Variants in CALN1 observed in about 807,000 individuals in gnomAD.
CALN1 encodes calcium-binding protein 8.
A neutral mutation model predicts 30.6 loss-of-function variants in CALN1; 17 were observed. That is an observed-to-expected ratio of 0.56 (90% CI 0.38 to 0.83). The LOEUF (loss-of-function observed/expected upper bound fraction) is 0.83, where lower values mean the gene tolerates loss of function less well. Among genes scored for constraint, CALN1 ranks in the 40% least tolerant of loss-of-function variants. The pLI is 0.00. For synonymous variants in CALN1, 156 were observed against 131.4 expected, an observed-to-expected ratio of 1.19 and a Z score of -1.28; for missense variants, 291 against 354.9, an observed-to-expected ratio of 0.82 and a Z score of 1.45.
chr7:72,286,042 G>A (rs1000342644), intron 2 of CALN1, among the ~76,000 whole-genome samples: 1 of 152,216 alleles, frequency 6.6e-6, no homozygotes, highest in Non-Finnish European at 1.5e-5. Flanking sequence ...GAGTATGGAA[G>A]AAGCTTTCAT....
At chr7:72,178,472 C>A (rs2129545891) in intron 3 of CALN1, among the ~76,000 whole-genome samples, 1 of 152,214 alleles carries the variant, frequency 6.6e-6, no homozygotes, top group East Asian at 1.9e-4. Flanking sequence ...GTAGGTGAAT[C>A]ACGAGGTCAG....
At chr7:72,421,573 CTTTTTTTTTTTTTT>C (rs772198450) in intron 1 of CALN1, among the ~76,000 whole-genome samples, 1 of 58,624 alleles carries the variant, frequency 1.7e-5, no homozygotes, top group Non-Finnish European at 3.1e-5. Flanking sequence ...TTTTATCCTA[CTTTTTTTTTTTTTT>C]TTTTTTTTTT....
intron 5 of CALN1, among the ~76,000 whole-genome samples, chr7:72,013,959 T>C (rs950866077): frequency 1.3e-5 from 2 of 152,138 alleles, no homozygotes; most frequent in Non-Finnish European, 2.9e-5. Flanking sequence ...GCTTTAAAAA[T>C]TATGGCCAAG....
chr7:72,019,686 C>A (rs1417150524), intron 5 of CALN1, among the ~76,000 whole-genome samples: 3 of 152,180 alleles, frequency 2.0e-5, no homozygotes, highest in Non-Finnish European at 4.4e-5. Context: ...CCAGTCCAGT[C>A]AAGCCCAAGG....
intron 5 of CALN1, among the ~76,000 whole-genome samples, chr7:71,861,531 G>C (rs1010569802): frequency 1.3e-5 from 2 of 151,960 alleles, no homozygotes; most frequent in Non-Finnish European, 2.9e-5. Flanking sequence ...ATCCCAACAC[G>C]TTGGGTGGCC....
At chr7:72,395,037 G>GC (rs1805828115) in intron 2 of CALN1, among the ~76,000 whole-genome samples, 1 of 152,088 alleles carries the variant, frequency 6.6e-6, no homozygotes, top group Non-Finnish European at 1.5e-5. Context: ...CACCTGATGT[G>GC]CCCCAGGAAC....
At chr7:72,250,939 G>A (rs1196877788) in intron 3 of CALN1, among the ~76,000 whole-genome samples, 1 of 152,094 alleles carries the variant, frequency 6.6e-6, no homozygotes, top group African/African-American at 2.4e-5. Context: ...CAACCTCTGT[G>A]AGGTTAAGAG....
intron 3 of CALN1, among the ~76,000 whole-genome samples, chr7:72,175,222 C>T (rs575899673): frequency 1.8e-4 from 28 of 152,064 alleles, no homozygotes; most frequent in African/African-American, 5.5e-4. Context: ...TACAGGCGCC[C>T]GCCACCACAC....
chr7:72,296,116 A>G (rs1798836029), intron 2 of CALN1, among the ~76,000 whole-genome samples: 1 of 152,012 alleles, frequency 6.6e-6, no homozygotes, highest in Admixed American at 6.6e-5. Context: ...ATCTATTGAG[A>G]TAATCATGTG....
chr7:72,111,249 G>A (rs1807555234), intron 3 of CALN1, among the ~76,000 whole-genome samples: 1 of 152,170 alleles, frequency 6.6e-6, no homozygotes. Context: ...TCATTGTGTG[G>A]AGTATGAAAA....
rs1300296330 is a variant in CALN1, at chr7:72,106,888, G to GA, written c.245-595dup. ...GGAAGGAAGGAAGGAAAAAAGGAAA[G>GA]AAGAAAGAAAAAGGAAGGAAGGAGG... On this transcript the variant is annotated intron_variant, in intron 3 of 6. Coordinates refer to ENST00000395275, the MANE Select transcript of CALN1 (RefSeq NM_031468.4). Among the ~76,000 whole-genome samples the GA allele has an allele frequency of 2.8e-5, 4 of 142,768 alleles. No homozygotes were observed. In the East Asian group the frequency reaches 8.9e-4, roughly 32 times the overall value. The allele number at this position is 142,768 out of a possible 152,430, so 93.7% of individuals were successfully genotyped here.
chr7:72,176,462 A>T (rs779366260), intron 3 of CALN1, among the ~76,000 whole-genome samples: 1 of 152,108 alleles, frequency 6.6e-6, no homozygotes, highest in Non-Finnish European at 1.5e-5. Context: ...CGGATCCCTC[A>T]TGAATGTCTT....
At chr7:72,209,211 TCCTTCCC>T in intron 3 of CALN1, among the ~76,000 whole-genome samples, 1 of 93,994 alleles carries the variant, frequency 1.1e-5, no homozygotes, top group African/African-American at 4.6e-5. Context: ...CTTCCCTCCT[TCCTTCCC>T]TCCTTCCCTC....
At chr7:72,449,601 G>C (rs997280023), upstream of CALN1, among the ~76,000 whole-genome samples, 15 of 152,140 alleles carry the variant, frequency 9.9e-5, no homozygotes, top group African/African-American at 2.9e-4. Context: ...GGCTGGGCGC[G>C]GTGGCTCATG....
chr7:72,103,790 C>G (rs1254256515), intron 4 of CALN1, among the ~76,000 whole-genome samples: 1 of 151,906 alleles, frequency 6.6e-6, no homozygotes, highest in East Asian at 1.9e-4. Context: ...GAGAGTGAAG[C>G]CTCTGAACAG....
At chr7:72,218,520 C>T (rs1427374092) in intron 3 of CALN1, among the ~76,000 whole-genome samples, 1 of 152,082 alleles carries the variant, frequency 6.6e-6, no homozygotes, top group Non-Finnish European at 1.5e-5. Context: ...GCTCAGTAGC[C>T]TGTTATTGTG....
chr7:71,862,205 G>A (rs991551469), intron 5 of CALN1, among the ~76,000 whole-genome samples: 1 of 152,182 alleles, frequency 6.6e-6, no homozygotes, highest in Admixed American at 6.5e-5. Flanking sequence ...AAAATCTAGG[G>A]TGTGGCTGAA....
chr7:72,133,514 T>C (rs972655616), intron 3 of CALN1, among the ~76,000 whole-genome samples: 3 of 152,320 alleles, frequency 2.0e-5, no homozygotes, highest in South Asian at 2.1e-4. Flanking sequence ...TGGTTACACA[T>C]GGTAACCACT....
chr7:72,456,586 T>C, the CALN1 span, among the ~76,000 whole-genome samples: 1 of 151,844 alleles, frequency 6.6e-6, no homozygotes, highest in Non-Finnish European at 1.5e-5. Context: ...GCATGGTGGC[T>C]CATGCCTGTA....
Sources: gnomAD v4.1 joint callset for allele counts (sites outside exome capture counted in the v4.1 genomes callset) on GRCh38, gnomAD v4.1.1 for gene constraint, MANE v1.5 for transcripts, NCBI Gene and HGNC (gene_info 2026-07-23, HGNC 2026-07-21) for gene names.